Variants in INSRR observed in about 807,000 individuals in gnomAD.
INSRR encodes insulin receptor-related protein.
INSRR carries 114 observed loss-of-function variants against 130.0 expected under a neutral mutation model. That is an observed-to-expected ratio of 0.88 (90% confidence interval 0.75 to 1.02). The LOEUF (loss-of-function observed/expected upper bound fraction) is 1.02. INSRR is among the 50% of genes least tolerant of loss of function. INSRR has a pLI of 0.00. For synonymous variants in INSRR, 674 were observed against 705.2 expected (o/e 0.96, Z 0.70); for missense variants, 1,657 against 1,735.2 (o/e 0.95, Z 0.80).
At chr1:156,844,090 C>T in intron 15 of INSRR, 85 bp downstream of exon 15, 1 of 952,200 alleles carries the variant, frequency 1.1e-6, no homozygotes, top group Non-Finnish European at 1.6e-6. Context: ...TGTCTTTCTA[C>T]TGTCTCATCT....
chr1:156,841,365 A>G (rs755844614), intron 21 of INSRR, 29 bp downstream of exon 21: 14 of 1,608,974 alleles, frequency 8.7e-6, no homozygotes, highest in Non-Finnish European at 9.4e-6. Context: ...TAGATCAACA[A>G]TGAGGAAGGG....
chr1:156,851,263 G>C, intron 5 of INSRR, 27 bp downstream of exon 5: 1 of 1,613,670 alleles, frequency 6.2e-7, no homozygotes, highest in Non-Finnish European at 8.5e-7. Flanking sequence ...TGTAATAGAA[G>C]GAGCTGGTCA....
rs535798216 is a variant in INSRR at position 156,840,942 on chromosome 1, G to T, written c.3825C>A (p.Thr1275=). Reference sequence around the variant, plus strand: ...TGGGTGAGGAGTCAGGCTCTGCATCGGTGGTAGGCAGGGAGCCCCGGGCCC... The same window carrying T: ...TGGGTGAGGAGTCAGGCTCTGCATCTGTGGTAGGCAGGGAGCCCCGGGCCC... ...CRGARGSLPT[T]DAEPDSSPTP... is the part of the protein sequence containing the mutation. The change falls in exon 22 of 22, where the codon ACC becomes ACA. Residue 1275 remains threonine, a synonymous_variant. Coordinates refer to ENST00000368195, the MANE Select transcript of INSRR (RefSeq NM_014215.3). 43 of 1,613,962 alleles carry T rather than the reference G, an allele frequency of 2.7e-5. No homozygotes were observed. In the Admixed American group the frequency reaches 5.3e-4, roughly 20 times the overall value.
At position 156,844,236 on chromosome 1, in the gene INSRR, G is replaced by A. The variant is rs1397132963; in HGVS notation, c.2782C>T (p.Pro928Ser). 1 of 1,613,952 alleles carries A rather than the reference G, an allele frequency of 6.2e-7. No homozygotes were observed. Among genetic ancestry groups the A allele is most frequent in the East Asian group, 2.2e-5 (1 of 44,876 alleles). ...ACGATGAGCAGCGTGAGCCCCACAGGGGTGGCAGTGAGGAGGACATGCAGC... is the reference window on the plus strand; with the variant it reads ...ACGATGAGCAGCGTGAGCCCCACAGAGGTGGCAGTGAGGAGGACATGCAGC... ...GGLHVLLTAT[P>S]VGLTLLIVLA... Residue 928 changes from proline to serine, a missense_variant, in exon 15 of 22, where the codon CCT (proline) becomes TCT (serine). Transcript: ENST00000368195.
chr1:156,842,270 T>C lies in INSRR; in HGVS notation c.3239A>G (p.Asn1080Ser). 6.2e-7 allele frequency: 1 copy of C among 1,613,912 alleles called. No homozygotes were observed. ...HLRSLRPEAE[N>S]NPGLPQPALG... ...TGCTGGCTGTGGGAGCCCAGGGTTG[T>C]TCTAGAGCCAAGATTGGGGGCTGGT... is the stretch of plus-strand genomic sequence containing the variant. Residue 1080 changes from asparagine to serine, a missense_variant and splice_region_variant, in exon 19 of 22, where the codon AAC (asparagine) becomes AGC (serine). By Grantham distance (46) the Asn-to-Ser change is conservative. Coordinates refer to ENST00000368195, the MANE Select transcript of INSRR (RefSeq NM_014215.3).
At chr1:156,849,155 C>T (rs1303680642) in intron 6 of INSRR, 91 bp downstream of exon 6, 1 of 1,600,406 alleles carries the variant, frequency 6.2e-7, no homozygotes, top group South Asian at 1.1e-5. Flanking sequence ...GAGAACTTCT[C>T]AGAGTGTCCC....
At chr1:156,844,927 G>T in intron 12 of INSRR, 84 bp from the exon 13 acceptor site, 1 of 1,581,848 alleles carries the variant, frequency 6.3e-7, no homozygotes, top group South Asian at 1.2e-5. Flanking sequence ...GGGCTGAGCT[G>T]GGAGGTGGGG....
Position 156,858,930 on chromosome 1 carries a change from G to A in INSRR, c.-309C>T, listed in dbSNP as rs538917250. 5 of 375,856 alleles carry A rather than the reference G, an allele frequency of 1.3e-5. No homozygotes were observed. The highest frequency in any genetic ancestry group is 1.0e-4 in the African/African-American group (5 of 49,514). The allele number at this position is 375,856 out of a possible 1,614,324, so 23.3% of individuals were successfully genotyped here. Reference sequence around the variant, plus strand: ...CCTCCAGAGGGAGAAAATGACACAGGGTTCTGAGCAAAAGGCAGGCCGAGA... The same window carrying A: ...CCTCCAGAGGGAGAAAATGACACAGAGTTCTGAGCAAAAGGCAGGCCGAGA... On this transcript the variant is annotated 5_prime_UTR_variant, in exon 1 of 22. Coordinates refer to ENST00000368195, the MANE Select transcript of INSRR (RefSeq NM_014215.3).
chr1:156,851,443 G>T lies in INSRR; in HGVS notation c.1085-9C>A, dbSNP rs187753955. On this transcript the variant is annotated splice_polypyrimidine_tract_variant and intron_variant, in intron 4 of 21. Transcript: ENST00000368195. ...CTGTGGCTCCAGGTTGTCTAGGGAT[G>T]GGAAGACAGGGCTGGAGTAGGAGCA... 2.5e-6 allele frequency: 4 copies of T among 1,614,118 alleles called. No individual in the cohort carries two copies. In the Admixed American group the frequency reaches 6.7e-5, roughly 27 times the overall value.
At chr1:156,857,923 C>G (rs1468259302) in intron 1 of INSRR, among the ~76,000 whole-genome samples, 2 of 152,182 alleles carry the variant, frequency 1.3e-5, no homozygotes, top group African/African-American at 4.8e-5. Context: ...AGTCCCCCCA[C>G]CCCTCCTCTC....
intron 1 of INSRR, among the ~76,000 whole-genome samples, chr1:156,857,059 G>T (rs1379751092): frequency 6.6e-6 from 1 of 151,984 alleles, no homozygotes; most frequent in African/African-American, 2.4e-5. Flanking sequence ...CTGATAGTTT[G>T]TTAAGAGAGG....
In INSRR at chr1:156,849,033, G is replaced by GGGTGCGAGTCTGGCCTGGGT; in HGVS notation, c.1445-6_1458dup (p.Leu487ThrfsTer14). ...TCCGTCACGTTGGACACGAAGCGCA[G>GGGTGCGAGTCTGGCCTGGGT]GGTGCGAGTCTGGCCTGGGTGGGGC... On this transcript the variant is annotated frameshift_variant, in exon 7 of 22. Transcript: ENST00000368195. LOFTEE classifies it high-confidence loss of function. 1 of 1,613,398 alleles carries GGGTGCGAGTCTGGCCTGGGT rather than the reference G, an allele frequency of 6.2e-7. No homozygotes were observed.
rs1348208991 is a variant in INSRR at position 156,840,484 on chromosome 1, C to T, written c.*389G>A. 1 of 188,376 alleles carries T rather than the reference C, an allele frequency of 5.3e-6. No individual in the cohort carries two copies. Among genetic ancestry groups the T allele is most frequent in the South Asian group, 1.1e-4 (1 of 9,130 alleles). The allele number at this position is 188,376 out of a possible 1,614,324, so 11.7% of individuals were successfully genotyped here. ...AGCGCCCCAGGCCTGCTTCTGATTGCTCATCTGATTTCAAACATGTCGCTG... is the reference window on the plus strand; with the variant it reads ...AGCGCCCCAGGCCTGCTTCTGATTGTTCATCTGATTTCAAACATGTCGCTG... On this transcript the variant is annotated 3_prime_UTR_variant, in exon 22 of 22. Coordinates refer to ENST00000368195, the MANE Select transcript of INSRR (RefSeq NM_014215.3).
At position 156,854,483 on chromosome 1, in the gene INSRR, G is replaced by A. The variant is rs765058586; in HGVS notation, c.86-180C>T. On this transcript the variant is annotated intron_variant, in intron 1 of 21. Coordinates refer to ENST00000368195, the MANE Select transcript of INSRR (RefSeq NM_014215.3). The surrounding 1 kb of genome is among the most constrained non-coding windows in gnomAD (Gnocchi z 4.2). The stretch of plus-strand genomic sequence containing the variant: ...CGGAGGGCTCACCTGCAGCCTGCAG[G>A]GTCTCTACCAGATGAGCCACACAGG... Among the ~76,000 whole-genome samples, 1 of 152,024 alleles carries A rather than the reference G, an allele frequency of 6.6e-6. No individual in the cohort carries two copies. The highest frequency in any genetic ancestry group is 1.5e-5 in the Non-Finnish European group (1 of 68,008).
chr1:156,844,106 C>T (rs755066293), intron 15 of INSRR, 69 bp downstream of exon 15: 13 of 1,150,798 alleles, frequency 1.1e-5, no homozygotes, highest in East Asian at 2.3e-5. Context: ...CATCTACCTC[C>T]CTTTGACAGA....
In INSRR at chr1:156,852,150, C is replaced by T. The variant is rs141091280; in HGVS notation, c.679G>A (p.Glu227Lys). Residue 227 changes from glutamate to lysine, a missense_variant, in exon 3 of 22, where the codon GAG becomes AAG. By Grantham distance (56) the Glu-to-Lys change is moderately conservative. Coordinates refer to ENST00000368195, the MANE Select transcript of INSRR (RefSeq NM_014215.3). ...PHGMACTARG[E>K]CCHTECLGGC... ...CCCAGGCATTCGGTGTGGCAGCACT[C>T]GCCCCTCGCTGTGCAAGCCATCCCA... The T allele has an allele frequency of 1.1e-4, 179 of 1,610,464 alleles. No homozygotes were observed. In the African/African-American group the frequency reaches 2.1e-3, roughly 19 times the overall value.
chr1:156,846,145 CAG>C (rs753948506), intron 8 of INSRR, 26 bp from the exon 9 acceptor site: 1 of 1,556,410 alleles, frequency 6.4e-7, no homozygotes, highest in African/African-American at 1.4e-5. Flanking sequence ...GGATGCAACT[CAG>C]GGGTGTGGGT....
chr1:156,849,072 G>A (rs768425488), intron 6 of INSRR, 25 bp from the exon 7 acceptor site: 12 of 1,604,500 alleles, frequency 7.5e-6, no homozygotes, highest in South Asian at 6.7e-5. Context: ...GGGCCTGCTC[G>A]CAACCGCGCC....
At chr1:156,844,084 T>C in intron 15 of INSRR, 91 bp downstream of exon 15, 2 of 914,800 alleles carry the variant, frequency 2.2e-6, no homozygotes, top group South Asian at 3.0e-5. Flanking sequence ...AAGACCTGTC[T>C]TTCTACTGTC....
Sources: gnomAD v4.1 joint callset for allele counts (sites outside exome capture counted in the v4.1 genomes callset) on GRCh38, gnomAD v4.1.1 for gene constraint, Gnocchi (gnomAD v3.1) non-coding constraint, MANE v1.5 for transcripts, NCBI Gene and HGNC (gene_info 2026-07-23, HGNC 2026-07-21) for gene names.